TRIM49: variants seen among roughly 807,000 people sequenced by gnomAD.
The protein encoded by TRIM49 is tripartite motif-containing protein 49.
Under a neutral mutation model 27.4 loss-of-function variants are expected in TRIM49, and 5 were observed. The observed-to-expected ratio is 0.18, with a 90% CI of 0.10 to 0.38. TRIM49 has a LOEUF of 0.38. Ranked by LOEUF, TRIM49 falls within the 10% of genes least tolerant of loss-of-function variation. The pLI, the probability that TRIM49 is intolerant of heterozygous loss-of-function variation, is 1.00. For missense variants in TRIM49, 188 were observed against 487.5 expected (o/e 0.39, Z 5.79); for synonymous variants, 69 against 166.0 (o/e 0.42, Z 4.49).
chr11:89,792,827 T>G (rs1346613805), downstream of TRIM49, among the ~76,000 whole-genome samples: 2 of 151,956 alleles, frequency 1.3e-5, no homozygotes, highest in Non-Finnish European at 2.9e-5. Context: ...ACATCACAAC[T>G]AAAAGAACTA....
the TRIM49 span, chr11:89,768,297 G>C: frequency 1.3e-6 from 2 of 1,485,882 alleles, no homozygotes; most frequent in African/African-American, 1.8e-5. Flanking sequence ...CTGCAAGGAA[G>C]TAGGTTGAGT....
intron 6 of TRIM49, among the ~76,000 whole-genome samples, chr11:89,800,222 T>C (rs1486995684): frequency 6.6e-6 from 1 of 151,540 alleles, no homozygotes; most frequent in Non-Finnish European, 1.5e-5. Flanking sequence ...TCTCCCCTTT[T>C]AGCAAAGAAC....
chr11:89,800,722 G>A (rs1252402933), intron 6 of TRIM49, among the ~76,000 whole-genome samples: 1 of 150,292 alleles, frequency 6.7e-6, no homozygotes, highest in East Asian at 2.0e-4. Context: ...CAGCCTGGGC[G>A]ACAGAGCCAG....
chr11:89,792,599 A>G, the TRIM49 span, among the ~76,000 whole-genome samples: 1 of 152,130 alleles, frequency 6.6e-6, no homozygotes, highest in Non-Finnish European at 1.5e-5. Flanking sequence ...CTCACTCAAA[A>G]CCGCTCAACT....
the TRIM49 span, among the ~76,000 whole-genome samples, chr11:89,778,299 T>C: frequency 6.6e-6 from 1 of 152,100 alleles, no homozygotes. Flanking sequence ...TCACTAAGAT[T>C]GGGTGTGAGG....
the TRIM49 span, among the ~76,000 whole-genome samples, chr11:89,767,277 C>T: frequency 2.1e-5 from 3 of 140,862 alleles, no homozygotes; most frequent in South Asian, 4.4e-4. Context: ...ACTCAAAAAG[C>T]ATAAAGGGGA....
At chr11:89,774,030 T>G in the TRIM49 span, among the ~76,000 whole-genome samples, 1 of 141,118 alleles carries the variant, frequency 7.1e-6, no homozygotes, top group Non-Finnish European at 1.5e-5. Flanking sequence ...AGACAGAGTC[T>G]CGCTCTGTCA....
chr11:89,808,146 T>C (rs1321261137), intron 1 of TRIM49, among the ~76,000 whole-genome samples: 5 of 146,390 alleles, frequency 3.4e-5, no homozygotes, highest in Non-Finnish European at 7.4e-5. Context: ...AAATACAGAA[T>C]CCAAATGATA....
chr11:89,768,130 C>T, the TRIM49 span: 3 of 903,774 alleles, frequency 3.3e-6, no homozygotes, highest in Admixed American at 5.6e-5. Flanking sequence ...GAAGGCTGCC[C>T]ATAGAAAACC....
intron 6 of TRIM49, among the ~76,000 whole-genome samples, chr11:89,800,149 G>C (rs1949723266): frequency 6.6e-6 from 1 of 150,906 alleles, no homozygotes; most frequent in African/African-American, 2.5e-5. Context: ...TGAAATAGCG[G>C]GGTTCTGGGG....
the TRIM49 span, chr11:89,787,803 A>G: frequency 4.4e-5 from 23 of 525,634 alleles, 2 homozygotes; most frequent in Non-Finnish European, 7.8e-5. Flanking sequence ...GCCAAGGTGC[A>G]GGAGAAGCGC....
In TRIM49 at chr11:89,804,074, A is replaced by C. The variant is rs1352831264; in HGVS notation, c.396T>G (p.Ala132=). 6.2e-7 allele frequency: 1 copy of C among 1,607,946 alleles called. No homozygotes were observed. Among genetic ancestry groups the C allele is most frequent in the Non-Finnish European group, 8.5e-7 (1 of 1,177,688 alleles). ...RYHRHRPIEW[A]AEEHREKLLQ... ...CATCACTTACCCGGTGTTCCTCAGC[A>C]GCCCACTCAATGGGACGGTGTCTGT... The change falls in exon 3 of 8, where the codon GCT becomes GCG. Residue 132 remains alanine, a synonymous_variant. Coordinates refer to ENST00000329758, the MANE Select transcript of TRIM49 (RefSeq NM_020358.2).
downstream of TRIM49, among the ~76,000 whole-genome samples, chr11:89,795,886 G>T (rs61905550): frequency 1.4e-5 from 2 of 141,452 alleles, no homozygotes; most frequent in African/African-American, 2.9e-5. Flanking sequence ...AAAGTATAAT[G>T]AAAAAAAAAA....
At chr11:89,791,826 C>T in the TRIM49 span, among the ~76,000 whole-genome samples, 2 of 152,104 alleles carry the variant, frequency 1.3e-5, no homozygotes, top group African/African-American at 4.8e-5. Flanking sequence ...TAGGAAGAAA[C>T]TGCATCAACT....
the TRIM49 span, among the ~76,000 whole-genome samples, chr11:89,791,588 T>C: frequency 6.6e-6 from 1 of 150,612 alleles, no homozygotes; most frequent in Admixed American, 6.6e-5. Context: ...GGGCCAATAT[T>C]CAACATTCTT....
chr11:89,784,912 C>G, the TRIM49 span, among the ~76,000 whole-genome samples: 3 of 148,056 alleles, frequency 2.0e-5, no homozygotes, highest in African/African-American at 7.8e-5. Context: ...TGTATTGATT[C>G]TCCTAGAGAT....
downstream of TRIM49, among the ~76,000 whole-genome samples, chr11:89,794,535 CAG>C (rs1173177621): frequency 2.0e-5 from 3 of 151,160 alleles, no homozygotes; most frequent in African/African-American, 7.3e-5. Context: ...CGTGCCGAAA[CAG>C]AGACATAGAC....
At chr11:89,783,987 C>A in the TRIM49 span, among the ~76,000 whole-genome samples, 1 of 142,196 alleles carries the variant, frequency 7.0e-6, no homozygotes, top group Non-Finnish European at 1.5e-5. Context: ...GAGTATTTGG[C>A]TTTAAGGAAA....
chr11:89,792,604 T>G, the TRIM49 span, among the ~76,000 whole-genome samples: 5 of 151,912 alleles, frequency 3.3e-5, no homozygotes, highest in African/African-American at 1.2e-4. Flanking sequence ...TCAAAACCGC[T>G]CAACTACATG....
Sources: gnomAD v4.1 joint callset for allele counts (sites outside exome capture counted in the v4.1 genomes callset) on GRCh38, gnomAD v4.1.1 for gene constraint, MANE v1.5 for transcripts, NCBI Gene and HGNC (gene_info 2026-07-23, HGNC 2026-07-21) for gene names.